The following TLN2 variants were observed in gnomAD, a reference collection of about 807,000 sequenced individuals.
TLN2 encodes talin 2.
A neutral mutation model predicts 294.7 loss-of-function variants in TLN2; 118 were observed. The observed-to-expected ratio is 0.40, with a 90% CI of 0.34 to 0.47. TLN2 has a LOEUF of 0.47. TLN2 is among the 20% of genes least tolerant of loss of function. The pLI is 0.84. For missense variants in TLN2, 3,083 were observed against 3,282.2 expected (o/e 0.94, Z 1.48); for synonymous variants, 1,431 against 1,304.5 (o/e 1.10, Z -2.09).
chr15:62,659,803 G>A (rs999704804), intron 9 of TLN2, among the ~76,000 whole-genome samples: 2 of 152,168 alleles, frequency 1.3e-5, no homozygotes, highest in African/African-American at 4.8e-5. Context: ...TAGGTAATGA[G>A]GCATTTTTAC....
intron 42 of TLN2, among the ~76,000 whole-genome samples, chr15:62,772,018 C>T (rs6494354): frequency 0.11 from 15,983 of 152,120 alleles, 1,202 homozygotes; most frequent in East Asian, 0.21. Flanking sequence ...GTTATGAATT[C>T]GTGGCCTCGT....
At chr15:62,483,704 T>C (rs2038232405) in intron 1 of TLN2, among the ~76,000 whole-genome samples, 1 of 152,210 alleles carries the variant, frequency 6.6e-6, no homozygotes, top group Non-Finnish European at 1.5e-5. Flanking sequence ...ACCATCTTGA[T>C]AAAAGCTATG....
intron 21 of TLN2, among the ~76,000 whole-genome samples, chr15:62,709,065 G>A (rs1054469434): frequency 6.6e-6 from 1 of 152,154 alleles, no homozygotes; most frequent in African/African-American, 2.4e-5. Flanking sequence ...TTTGTTCTGC[G>A]AATGCACGTG....
rs150835805 is a variant in TLN2, at chr15:62,611,779, A to C, written c.-161-6572A>C. Among the ~76,000 whole-genome samples the C allele has an allele frequency of 1.8e-4, 28 of 152,258 alleles. No individual in the cohort carries two copies. The East Asian group carries it at 5.4e-3, about 29-fold the overall frequency. ...GCCACATTGGGTTCCCAGCTCTACC[A>C]CTGACTAGCCACATGGTCAGGAGCC... On this transcript the variant is annotated intron_variant, in intron 2 of 58. Coordinates refer to ENST00000636159, the MANE Select transcript of TLN2 (RefSeq NM_015059.3).
chr15:62,623,408 G>A (rs906639139), intron 3 of TLN2, among the ~76,000 whole-genome samples: 1 of 152,188 alleles, frequency 6.6e-6, no homozygotes, highest in Admixed American at 6.5e-5. Context: ...AGCTGATCCA[G>A]TGATCTAGTG....
Position 62,797,236 on chromosome 15 carries a change from C to T in TLN2, c.6068C>T (p.Thr2023Met), listed in dbSNP as rs141116043. 66 of 1,614,012 alleles carry T rather than the reference C, an allele frequency of 4.1e-5. No homozygotes were observed. The highest frequency in any genetic ancestry group is 1.2e-4 in the African/African-American group (9 of 74,934). The change falls in exon 48 of 59, where the codon ACG (threonine) becomes ATG (methionine). Residue 2023 changes from threonine (T) to methionine (M), a missense_variant. Physicochemically the swap from Thr to Met is moderately conservative, Grantham distance 81. Coordinates refer to ENST00000636159, the MANE Select transcript of TLN2 (RefSeq NM_015059.3). ...FADHRENILK[T>M]AKALVEDTKL... ...TCTCTCAGGGAGAACATTCTCAAGA[C>T]GGCCAAGGCCTTGGTAGAAGACACG... is the stretch of plus-strand genomic sequence containing the variant.
intron 1 of TLN2, among the ~76,000 whole-genome samples, chr15:62,533,174 A>T (rs2041142422): frequency 6.7e-6 from 1 of 148,396 alleles, no homozygotes; most frequent in South Asian, 2.2e-4. Flanking sequence ...GAATCGCTTG[A>T]ACCCGGGAGG....
At chr15:62,441,167 G>T (rs1033311998) in intron 1 of TLN2, among the ~76,000 whole-genome samples, 1 of 152,120 alleles carries the variant, frequency 6.6e-6, no homozygotes, top group African/African-American at 2.4e-5. Flanking sequence ...TGGTCATGAA[G>T]ATTAGCTTTA....
At chr15:62,586,620 A>C (rs972651673) in intron 1 of TLN2, among the ~76,000 whole-genome samples, 1 of 152,250 alleles carries the variant, frequency 6.6e-6, no homozygotes, top group African/African-American at 2.4e-5. Flanking sequence ...TGTATTTTAT[A>C]ATCTCCATAG....
At chr15:62,701,899 G>A in intron 17 of TLN2, 93 bp from the exon 18 acceptor site, 1 of 1,386,216 alleles carries the variant, frequency 7.2e-7, no homozygotes, top group Non-Finnish European at 9.9e-7. Context: ...CTGCAGGATG[G>A]TAGGTGAGGA....
intron 1 of TLN2, among the ~76,000 whole-genome samples, chr15:62,406,674 G>A (rs1436725115): frequency 6.6e-6 from 1 of 152,150 alleles, no homozygotes; most frequent in African/African-American, 2.4e-5. Flanking sequence ...CCATGGCAAT[G>A]GTAAATTGAC....
chr15:62,604,702 T>C (rs2047286099), intron 2 of TLN2, among the ~76,000 whole-genome samples: 1 of 151,200 alleles, frequency 6.6e-6, no homozygotes, highest in Non-Finnish European at 1.5e-5. Context: ...TTCTTTTTTT[T>C]TTTTTTTTAA....
chr15:62,465,051 T>C (rs1338530505), intron 1 of TLN2, among the ~76,000 whole-genome samples: 1 of 150,744 alleles, frequency 6.6e-6, no homozygotes, highest in Non-Finnish European at 1.5e-5. Context: ...AGATTTCCTC[T>C]CTCATTTGCT....
intron 54 of TLN2, chr15:62,829,299 C>G (rs909420487): frequency 1.3e-5 from 2 of 151,992 alleles, no homozygotes; most frequent in African/African-American, 4.8e-5. Context: ...CTCACAGTTC[C>G]ACATGGCTGG....
chr15:62,641,664 CT>C (rs1034524980), intron 3 of TLN2, among the ~76,000 whole-genome samples: 2 of 54,058 alleles, frequency 3.7e-5, no homozygotes, highest in African/African-American at 7.5e-5. Context: ...AAGCCCTTAC[CT>C]AAGCCTTTTC....
chr15:62,706,263 C>T (rs570190800), intron 19 of TLN2, among the ~76,000 whole-genome samples: 1 of 152,322 alleles, frequency 6.6e-6, no homozygotes, highest in South Asian at 2.1e-4. Flanking sequence ...TTAATTGTAA[C>T]CATGGTTCTT....
intron 3 of TLN2, among the ~76,000 whole-genome samples, chr15:62,631,720 T>G (rs1596407664): frequency 7.7e-6 from 1 of 129,690 alleles, no homozygotes; most frequent in African/African-American, 2.8e-5. Flanking sequence ...CCTCCCTCCC[T>G]CCTCCCGCTT....
chr15:62,798,555 CAAAAA>C (rs370925643), intron 48 of TLN2, among the ~76,000 whole-genome samples: 1 of 143,406 alleles, frequency 7.0e-6, no homozygotes, highest in Non-Finnish European at 1.5e-5. Flanking sequence ...AAAAACAAAA[CAAAAA>C]AAAAAAACCT....
chr15:62,644,151 G>GCCACCCACCGCCCCGCC (rs2051525438), intron 3 of TLN2, among the ~76,000 whole-genome samples: 1 of 141,616 alleles, frequency 7.1e-6, no homozygotes, highest in African/African-American at 2.7e-5. Context: ...TCTCCCCCGC[G>GCCACCCACCGCCCCGCC]CCACCCACCG....
Sources: allele counts gnomAD v4.1 joint callset (sites outside exome capture counted in the v4.1 genomes callset), GRCh38; gene constraint gnomAD v4.1.1; transcripts MANE v1.5; gene names NCBI Gene and HGNC (gene_info 2026-07-23, HGNC 2026-07-21).